Variants in PTGDR observed in about 807,000 individuals in gnomAD.
PTGDR encodes the protein PGD2 receptor.
In PTGDR, 19 loss-of-function variants were observed where a neutral mutation model predicts 17.4. The observed-to-expected ratio is 1.09, with a 90% CI of 0.76 to 1.60. The LOEUF (loss-of-function observed/expected upper bound fraction) is 1.60. Among genes scored for constraint, PTGDR ranks in the 40% most tolerant of loss-of-function variants. PTGDR has a pLI of 0.00. For synonymous variants in PTGDR, 267 were observed against 224.2 expected (o/e 1.19, Z -1.71); for missense variants, 526 against 481.9 (o/e 1.09, Z -0.86).
chr14:52,271,605 A>G (rs2033324251), intron 1 of PTGDR, among the ~76,000 whole-genome samples: 1 of 152,242 alleles, frequency 6.6e-6, no homozygotes, highest in Non-Finnish European at 1.5e-5. Context: ...TCCTGTTAAG[A>G]GCACAAAAGT....
At chr14:52,269,057 G>A (rs1378939282) in intron 1 of PTGDR, among the ~76,000 whole-genome samples, 2 of 152,264 alleles carry the variant, frequency 1.3e-5, no homozygotes, top group African/African-American at 4.8e-5. Context: ...GCTGGGTGAT[G>A]TTTTATTTTG....
At position 52,268,307 on chromosome 14, in the gene PTGDR, G is replaced by A. The variant is rs1365693262; in HGVS notation, c.493G>A (p.Ala165Thr). Residue 165 changes from alanine to threonine, a missense_variant, in exon 1 of 2, where the codon GCG becomes ACG. Physicochemically the swap from Ala to Thr is moderately conservative, Grantham distance 58. Transcript: ENST00000306051. ...VVSAFSLAFC[A>T]LPFMGFGKFV... is the part of the protein sequence containing the mutation. Reference sequence around the variant, plus strand: ...GAGCGCCTTCTCCCTGGCTTTCTGCGCGCTACCTTTCATGGGCTTCGGGAA... The same window carrying A: ...GAGCGCCTTCTCCCTGGCTTTCTGCACGCTACCTTTCATGGGCTTCGGGAA... The A allele has an allele frequency of 1.2e-6, 2 of 1,613,904 alleles. No individual in the cohort carries two copies. Among genetic ancestry groups the A allele is most frequent in the South Asian group, 1.1e-5 (1 of 91,088 alleles).
intron 1 of PTGDR, among the ~76,000 whole-genome samples, chr14:52,271,675 T>G (rs1231334234): frequency 6.6e-6 from 1 of 152,252 alleles, no homozygotes; most frequent in Non-Finnish European, 1.5e-5. Context: ...TTAAAAGGTC[T>G]AGAAAACACA....
chr14:52,278,456 G>A (rs1206492250), downstream of PTGDR, among the ~76,000 whole-genome samples: 13 of 151,998 alleles, frequency 8.6e-5, no homozygotes, highest in Admixed American at 1.3e-4. Context: ...ATCACACACC[G>A]GGGACTGTTG....
chr14:52,278,097 C>T (rs1415858918), downstream of PTGDR, among the ~76,000 whole-genome samples: 2 of 152,140 alleles, frequency 1.3e-5, no homozygotes, highest in African/African-American at 2.4e-5. Context: ...TACCATTTCA[C>T]CCAGCCATCC....
Position 52,274,741 on chromosome 14 carries a change from A to G in PTGDR, c.857A>G (p.Tyr286Cys). ...MCSLPVIYRA[Y>C]YGAFKDVKEK... Reference sequence around the variant, plus strand: ...TTTTCTTCAAAACAGTATCGCGCTTACTATGGAGCATTTAAGGATGTCAAG... The same window carrying G: ...TTTTCTTCAAAACAGTATCGCGCTTGCTATGGAGCATTTAAGGATGTCAAG... Residue 286 changes from tyrosine to cysteine, a missense_variant, in exon 2 of 2, where the codon TAC (tyrosine) becomes TGC (cysteine). By Grantham distance (194) the Tyr-to-Cys change is radical (BLOSUM62 -2). Coordinates refer to ENST00000306051, the MANE Select transcript of PTGDR (RefSeq NM_000953.3). 6.2e-7 allele frequency: 1 copy of G among 1,609,660 alleles called. No homozygotes were observed. The highest frequency in any genetic ancestry group is 8.5e-7 in the Non-Finnish European group (1 of 1,175,928).
rs921622526 is a variant in PTGDR, at chr14:52,272,908, G to A, written c.847-1823G>A. On this transcript the variant is annotated intron_variant, in intron 1 of 1. Coordinates refer to ENST00000306051, the MANE Select transcript of PTGDR (RefSeq NM_000953.3). ...GCTTACAGACCCTCTCTCTCGTAAC[G>A]CCTAGTATATACACGCACACCCTCT... Among the ~76,000 whole-genome samples the A allele has an allele frequency of 4.6e-5, 7 of 152,186 alleles. No homozygotes were observed. The South Asian group carries it at 6.2e-4, about 14-fold the overall frequency.
Position 52,269,769 on chromosome 14 carries a change from G to A in PTGDR, c.846+1109G>A, listed in dbSNP as rs572986215. On this transcript the variant is annotated intron_variant, in intron 1 of 1. Coordinates refer to ENST00000306051, the MANE Select transcript of PTGDR (RefSeq NM_000953.3). ...AAGTCTGGGGCATCAGCATGCAGGG[G>A]TGGGAACAGTATGCCCCCAAAATAA... Among the ~76,000 whole-genome samples, 4 of 152,280 alleles carry A rather than the reference G, an allele frequency of 2.6e-5. No homozygotes were observed. The South Asian group carries it at 8.3e-4, about 32-fold the overall frequency.
Position 52,268,268 on chromosome 14 carries a change from GT to G in PTGDR, c.455del (p.Val152GlyfsTer5). The G allele has an allele frequency of 6.2e-7, 1 of 1,613,974 alleles. No homozygotes were observed. The highest frequency in any genetic ancestry group is 8.5e-7 in the Non-Finnish European group (1 of 1,180,040). ...CATCACCCTGCGCCTGGGCGCACTG[GT>G]GGCCCCGGTGGTGAGCGCCTTCTCC... Reference protein sequence around the residue: ...RHITLRLGALVAPVVSAFSLA... With the variant: ...RHITLRLGALXAPVVSAFSLA... On this transcript the variant is annotated frameshift_variant, in exon 1 of 2. Transcript: ENST00000306051. LOFTEE classifies it high-confidence loss of function.
downstream of PTGDR, among the ~76,000 whole-genome samples, chr14:52,279,553 G>A (rs1453774099): frequency 6.6e-6 from 1 of 152,126 alleles, no homozygotes; most frequent in Non-Finnish European, 1.5e-5. Flanking sequence ...ACTCTAGGTG[G>A]AGGAAAGCTG....
At chr14:52,280,615 G>A (rs180904644), downstream of PTGDR, among the ~76,000 whole-genome samples, 6 of 152,282 alleles carry the variant, frequency 3.9e-5, no homozygotes, top group Admixed American at 2.6e-4. Context: ...ACAGGTGTGG[G>A]GACATAGGAG....
At chr14:52,277,743 G>C (rs1045914266), downstream of PTGDR, among the ~76,000 whole-genome samples, 1 of 152,132 alleles carries the variant, frequency 6.6e-6, no homozygotes, top group African/African-American at 2.4e-5. Flanking sequence ...CCAGCTCCAC[G>C]TCAGACCTGT....
chr14:52,280,771 T>A (rs1462471454), downstream of PTGDR, among the ~76,000 whole-genome samples: 1 of 152,244 alleles, frequency 6.6e-6, no homozygotes, highest in African/African-American at 2.4e-5. Flanking sequence ...CCTACCCTCT[T>A]CTCACATGAA....
downstream of PTGDR, among the ~76,000 whole-genome samples, chr14:52,277,227 C>T (rs1220076818): frequency 1.3e-5 from 2 of 152,128 alleles, no homozygotes; most frequent in Non-Finnish European, 1.5e-5. Context: ...CATAGTATTG[C>T]GAGTACGCAT....
intron 1 of PTGDR, chr14:52,269,417 G>T: frequency 6.9e-7 from 1 of 1,452,364 alleles, no homozygotes; most frequent in Non-Finnish European, 9.3e-7. Flanking sequence ...AATGAGGATA[G>T]CGATGGAAAT....
Position 52,275,151 on chromosome 14 carries a change from A to G in PTGDR, c.*187A>G. 1.8e-6 allele frequency: 1 copy of G among 555,248 alleles called. No individual in the cohort carries two copies. The highest frequency in any genetic ancestry group is 3.1e-6 in the Non-Finnish European group (1 of 319,562). 34.4% of individuals were successfully genotyped at this position (555,248 alleles called of 1,614,324 possible). ...ATGTGTTACCATTCTATAGTCATGA[A>G]CCCCTTCAGTGCATTTTCATTTTTT... On this transcript the variant is annotated 3_prime_UTR_variant, in exon 2 of 2. Coordinates refer to ENST00000306051, the MANE Select transcript of PTGDR (RefSeq NM_000953.3).
Position 52,274,743 on chromosome 14 carries a change from T to C in PTGDR, c.859T>C (p.Tyr287His). 1 of 1,610,682 alleles carries C rather than the reference T, an allele frequency of 6.2e-7. No individual in the cohort carries two copies. The highest frequency in any genetic ancestry group is 8.5e-7 in the Non-Finnish European group (1 of 1,176,854). The change falls in exon 2 of 2, where the codon TAT becomes CAT. Residue 287 changes from tyrosine to histidine, a missense_variant. Transcript: ENST00000306051. ...CSLPVIYRAYYGAFKDVKEKN... is the reference protein window; with the variant it reads ...CSLPVIYRAYHGAFKDVKEKN... ...TTCTTCAAAACAGTATCGCGCTTAC[T>C]ATGGAGCATTTAAGGATGTCAAGGA...
In PTGDR at chr14:52,267,740, G is replaced by A; in HGVS notation, c.-75G>A. ...CCCGAGCCGCGCGCGGAGCTGCCGGGGGCTCCTTAGCACCCGGGCGCCGGG... is the reference window on the plus strand; with the variant it reads ...CCCGAGCCGCGCGCGGAGCTGCCGGAGGCTCCTTAGCACCCGGGCGCCGGG... On this transcript the variant is annotated 5_prime_UTR_variant, in exon 1 of 2. Transcript: ENST00000306051. The A allele has an allele frequency of 2.8e-6, 4 of 1,451,856 alleles. No homozygotes were observed. Among genetic ancestry groups the A allele is most frequent in the Non-Finnish European group, 2.7e-6 (3 of 1,106,344 alleles). 89.9% of individuals were successfully genotyped at this position (1,451,856 alleles called of 1,614,324 possible). A position where few individuals can be genotyped will look rare whatever the true frequency, so the allele number is the denominator to read the frequency against.
Position 52,268,224 on chromosome 14 carries a change from C to T in PTGDR, c.410C>T (p.Pro137Leu), listed in dbSNP as rs1473506966. 4 of 1,614,102 alleles carry T rather than the reference C, an allele frequency of 2.5e-6. No individual in the cohort carries two copies. The highest frequency in any genetic ancestry group is 3.4e-6 in the Non-Finnish European group (4 of 1,180,044). ...GAGTGCTGGCTCTCCCTAGGGCACCCTTTCTTCTACCGACGGCACATCACC... is the reference window on the plus strand; with the variant it reads ...GAGTGCTGGCTCTCCCTAGGGCACCTTTTCTTCTACCGACGGCACATCACC... Reference protein sequence around the residue: ...ALECWLSLGHPFFYRRHITLR... With the variant: ...ALECWLSLGHLFFYRRHITLR... Residue 137 changes from proline (P) to leucine (L), a missense_variant, in exon 1 of 2, where the codon CCT (proline) becomes CTT (leucine). Physicochemically the swap from Pro to Leu is moderately conservative, Grantham distance 98. Transcript: ENST00000306051.
Sources: gnomAD v4.1 joint callset for allele counts (sites outside exome capture counted in the v4.1 genomes callset) on GRCh38, gnomAD v4.1.1 for gene constraint, MANE v1.5 for transcripts, NCBI Gene and HGNC (gene_info 2026-07-23, HGNC 2026-07-21) for gene names.